TENM2: variants seen among roughly 807,000 people sequenced by gnomAD.
TENM2 encodes the protein teneurin-2.
A neutral mutation model predicts 245.2 loss-of-function variants in TENM2; 52 were observed. The ratio of observed to expected loss-of-function variants is 0.21; its 90% CI spans 0.17 to 0.27. The LOEUF (loss-of-function observed/expected upper bound fraction) is 0.27, where lower values mean the gene tolerates loss of function less well. Ranked by LOEUF, TENM2 falls within the 10% of genes least tolerant of loss-of-function variation. TENM2 has a pLI of 1.00. For synonymous variants in TENM2, 1,363 were observed against 1,438.9 expected, an observed-to-expected ratio of 0.95 and a Z score of 1.19; for missense variants, 3,046 against 3,666.8, an observed-to-expected ratio of 0.83 and a Z score of 4.37.
chr5:167,919,604 T>C (rs32401), intron 3 of TENM2, among the ~76,000 whole-genome samples: 47,453 of 152,090 alleles, frequency 0.31, 8,256 homozygotes, highest in East Asian at 0.52. Context: ...GGTAACCCCT[T>C]GACCTAAGAG....
At chr5:167,142,133 C>T in the TENM2 span, among the ~76,000 whole-genome samples, 2 of 152,012 alleles carry the variant, frequency 1.3e-5, no homozygotes, top group Non-Finnish European at 2.9e-5. Flanking sequence ...GCAAGAATGT[C>T]GCTATGTGTG....
At chr5:167,237,661 A>G in the TENM2 span, among the ~76,000 whole-genome samples, 1 of 152,172 alleles carries the variant, frequency 6.6e-6, no homozygotes, top group African/African-American at 2.4e-5. Flanking sequence ...AGCATACAGA[A>G]TGAATGTCAG....
intron 1 of TENM2, 121 bp from the exon 4 acceptor site, chr5:167,375,077 C>T (rs1012488800): frequency 2.1e-6 from 2 of 974,220 alleles, no homozygotes; most frequent in Non-Finnish European, 3.1e-6. Flanking sequence ...TTTCTGTACA[C>T]CATGGTGAAT....
At chr5:167,754,991 G>C in intron 2 of TENM2, 1 of 1,566,480 alleles carries the variant, frequency 6.4e-7, no homozygotes, top group African/African-American at 1.3e-5. Context: ...GGGACTGCTG[G>C]TGATTTTTCT....
chr5:168,007,528 G>A (rs755425520), intron 5 of TENM2, among the ~76,000 whole-genome samples: 1 of 152,182 alleles, frequency 6.6e-6, no homozygotes, highest in Non-Finnish European at 1.5e-5. Flanking sequence ...AGACTATGGG[G>A]TCTTCAAAGA....
intron 2 of TENM2, among the ~76,000 whole-genome samples, chr5:167,501,667 A>G (rs1769223243): frequency 6.6e-6 from 1 of 152,062 alleles, no homozygotes; most frequent in African/African-American, 2.4e-5. Context: ...AGGACTCTCT[A>G]GTTGCCCTGA....
chr5:167,595,000 A>G (rs1037857846), intron 2 of TENM2, among the ~76,000 whole-genome samples: 4 of 152,206 alleles, frequency 2.6e-5, no homozygotes, highest in African/African-American at 9.6e-5. Flanking sequence ...TCCTGCAACT[A>G]AAATTACTCA....
intron 2 of TENM2, among the ~76,000 whole-genome samples, chr5:167,760,197 G>A (rs75295601): frequency 0.032 from 4,903 of 152,210 alleles, 254 homozygotes; most frequent in East Asian, 0.18. Flanking sequence ...CTTCCTAAGG[G>A]TGCAATAAAT....
the TENM2 span, among the ~76,000 whole-genome samples, chr5:167,100,073 A>C: frequency 2.6e-5 from 4 of 152,204 alleles, no homozygotes; most frequent in Admixed American, 1.3e-4. Context: ...AAGGCCATTC[A>C]GTTCTGACAA....
chr5:167,089,441 G>A, the TENM2 span, among the ~76,000 whole-genome samples: 1 of 152,138 alleles, frequency 6.6e-6, no homozygotes, highest in Non-Finnish European at 1.5e-5. Flanking sequence ...GCTTGGTAAT[G>A]GTTTAATTAA....
chr5:167,639,732 T>TA (rs139497157), intron 2 of TENM2, among the ~76,000 whole-genome samples: 9 of 152,048 alleles, frequency 5.9e-5, no homozygotes, highest in Middle Eastern at 3.4e-3. Flanking sequence ...CTTATTGTTT[T>TA]AAAAAAAACC....
At chr5:168,231,819 G>A (rs1764948863) in intron 25 of TENM2, among the ~76,000 whole-genome samples, 1 of 152,074 alleles carries the variant, frequency 6.6e-6, no homozygotes, top group African/African-American at 2.4e-5. Context: ...ACCATGGCCT[G>A]GCACAGTAGC....
At chr5:167,000,361 T>C in the TENM2 span, among the ~76,000 whole-genome samples, 3 of 152,360 alleles carry the variant, frequency 2.0e-5, no homozygotes, top group South Asian at 6.2e-4. Context: ...ATTTGCTTTA[T>C]GAAATTGGGC....
intron 2 of TENM2, among the ~76,000 whole-genome samples, chr5:167,426,935 C>A (rs1763860820): frequency 6.6e-6 from 1 of 152,100 alleles, no homozygotes; most frequent in Non-Finnish European, 1.5e-5. Context: ...CTTTCAAGAT[C>A]ATAGAATAAA....
chr5:168,003,307 ACAC>A (rs1331778460), intron 5 of TENM2, among the ~76,000 whole-genome samples: 15 of 29,016 alleles, frequency 5.2e-4, no homozygotes, highest in Non-Finnish European at 1.1e-3. Context: ...TTAAGAAAAA[ACAC>A]ACACACACAC....
chr5:168,090,678 T>C (rs1792865340), exon 8 of TENM2: 1 of 1,613,928 alleles, frequency 6.2e-7, no homozygotes, highest in Non-Finnish European at 8.5e-7. Context: ...AAGCCGTGTT[T>C]GTGCAGTACC....
the TENM2 span, among the ~76,000 whole-genome samples, chr5:167,001,538 G>A: frequency 6.8e-6 from 1 of 146,744 alleles, no homozygotes; most frequent in Non-Finnish European, 1.5e-5. Flanking sequence ...TATCCAAAGT[G>A]GAATTAAAAA....
chr5:167,215,037 A>G, the TENM2 span, among the ~76,000 whole-genome samples: 3 of 152,104 alleles, frequency 2.0e-5, no homozygotes, highest in African/African-American at 7.2e-5. Context: ...TTCATCTTCT[A>G]GAATAAGATG....
chr5:168,090,833 T>C, intron 8 of TENM2, 64 bp downstream of exon 10: 1 of 1,411,888 alleles, frequency 7.1e-7, no homozygotes, highest in Non-Finnish European at 9.9e-7. Flanking sequence ...TGGGCTTCTC[T>C]GCAGAAGACA....
Sources: allele counts gnomAD v4.1 joint callset (sites outside exome capture counted in the v4.1 genomes callset), GRCh38; gene constraint gnomAD v4.1.1; transcripts MANE v1.5; gene names NCBI Gene and HGNC (gene_info 2026-07-23, HGNC 2026-07-21).